TAFA4: variants seen among roughly 807,000 people sequenced by gnomAD.
TAFA4 encodes the protein chemokine-like protein TAFA-4.
Under a neutral mutation model 21.1 loss-of-function variants are expected in TAFA4, and 20 were observed. The observed-to-expected ratio is 0.95, with a 90% CI of 0.67 to 1.38. TAFA4 has a LOEUF of 1.38. Among genes scored for constraint, TAFA4 ranks in the 40% most tolerant of loss-of-function variants. The probability of loss-of-function intolerance (pLI) is 0.00; values close to 1 mark genes in which losing one functional copy is unlikely to be tolerated. For synonymous variants in TAFA4, 71 were observed against 67.4 expected (o/e 1.05, Z -0.26); for missense variants, 211 against 180.9 (o/e 1.17, Z -0.95).
intron 1 of TAFA4, among the ~76,000 whole-genome samples, chr3:68,894,581 G>A (rs975420835): frequency 1.3e-5 from 2 of 152,172 alleles, no homozygotes; most frequent in Non-Finnish European, 2.9e-5. Context: ...GACATGCTGG[G>A]GGAAATTAAC....
At chr3:68,923,199 C>T (rs2090076608) in intron 1 of TAFA4, among the ~76,000 whole-genome samples, 1 of 152,158 alleles carries the variant, frequency 6.6e-6, no homozygotes, top group Non-Finnish European at 1.5e-5. Context: ...TCACATCTTG[C>T]TATTGCTCAT....
chr3:68,743,288 AT>A (rs1702391781), intron 4 of TAFA4, among the ~76,000 whole-genome samples: 2 of 152,244 alleles, frequency 1.3e-5, no homozygotes, highest in African/African-American at 4.8e-5. Flanking sequence ...ATAAAGTTAT[AT>A]TCTTGGCCAG....
intron 1 of TAFA4, among the ~76,000 whole-genome samples, chr3:68,927,874 G>T (rs1478275805): frequency 1.3e-5 from 2 of 150,942 alleles, no homozygotes; most frequent in Admixed American, 6.6e-5. Flanking sequence ...CTCCAGCCTG[G>T]GTAACAGAGA....
chr3:68,905,804 A>G (rs2089894686), intron 1 of TAFA4, among the ~76,000 whole-genome samples: 1 of 152,216 alleles, frequency 6.6e-6, no homozygotes, highest in Non-Finnish European at 1.5e-5. Context: ...TAAACGTACC[A>G]TGGAAATTTA....
At chr3:68,876,627 A>G (rs17048091) in intron 3 of TAFA4, among the ~76,000 whole-genome samples, 4,045 of 152,306 alleles carry the variant, frequency 0.027, 125 homozygotes, top group East Asian at 0.12. Context: ...ACATGGGATC[A>G]AACTTGGATG....
At chr3:68,812,773 G>A (rs1044894315) in intron 3 of TAFA4, among the ~76,000 whole-genome samples, 4 of 152,066 alleles carry the variant, frequency 2.6e-5, no homozygotes, top group Admixed American at 1.3e-4. Context: ...CAACAAGACC[G>A]AAAGTTAAGA....
chr3:68,902,787 T>C (rs577708975), intron 1 of TAFA4, among the ~76,000 whole-genome samples: 1 of 152,130 alleles, frequency 6.6e-6, no homozygotes, highest in Non-Finnish European at 1.5e-5. Context: ...ACCAGAACCT[T>C]ATCAGACATG....
rs927195084 is a variant in TAFA4, at chr3:68,839,040, A to G, written c.130+41690T>C. On this transcript the variant is annotated intron_variant, in intron 3 of 5. Coordinates refer to ENST00000295569, the MANE Select transcript of TAFA4 (RefSeq NM_182522.5). ...TTGAGCCTAGGAGGTGGAGGCTTCA[A>G]TGAGCCATGATTATGCCACTGCACT... Among the ~76,000 whole-genome samples the G allele has an allele frequency of 2.1e-4, 32 of 152,156 alleles. 1 individual carries two copies. Among genetic ancestry groups the G allele is most frequent in the African/African-American group, 2.2e-4 (9 of 41,442 alleles).
intron 3 of TAFA4, among the ~76,000 whole-genome samples, chr3:68,773,577 C>T (rs1702997201): frequency 6.6e-6 from 1 of 152,190 alleles, no homozygotes; most frequent in South Asian, 2.1e-4. Context: ...CTTGGTCTTT[C>T]TGATGACCTG....
chr3:68,857,010 G>A (rs567156421), intron 3 of TAFA4, among the ~76,000 whole-genome samples: 66 of 152,220 alleles, frequency 4.3e-4, no homozygotes, highest in African/African-American at 1.5e-3. Context: ...ACAACACGCA[G>A]GGTAGAGGAT....
At chr3:68,904,077 A>C (rs1422243656) in intron 1 of TAFA4, among the ~76,000 whole-genome samples, 2 of 152,168 alleles carry the variant, frequency 1.3e-5, no homozygotes, top group Admixed American at 6.5e-5. Flanking sequence ...AAAAAAAAAA[A>C]AAAACAATTT....
chr3:68,826,084 A>G (rs1267983415), intron 3 of TAFA4, among the ~76,000 whole-genome samples: 2 of 152,222 alleles, frequency 1.3e-5, no homozygotes, highest in Non-Finnish European at 2.9e-5. Flanking sequence ...TTAAATAAAA[A>G]TTAAAAAGCA....
chr3:68,885,438 A>G, intron 1 of TAFA4, 128 bp from the exon 2 acceptor site: 1 of 513,830 alleles, frequency 1.9e-6, no homozygotes, highest in South Asian at 2.6e-5. Flanking sequence ...AGTGGCAGAC[A>G]GCCAAACATA....
At chr3:68,782,579 C>T (rs1156656063) in intron 3 of TAFA4, among the ~76,000 whole-genome samples, 1 of 152,152 alleles carries the variant, frequency 6.6e-6, no homozygotes, top group East Asian at 1.9e-4. Context: ...AGTACTGATA[C>T]ATGCTACAAC....
Position 68,732,391 on chromosome 3 carries a change from T to C in TAFA4, c.*751A>G, listed in dbSNP as rs1026513730. On this transcript the variant is annotated 3_prime_UTR_variant, in exon 6 of 6. Coordinates refer to ENST00000295569, the MANE Select transcript of TAFA4 (RefSeq NM_182522.5). Reference sequence around the variant, plus strand: ...CATGACTACACAAAAGCCGTAAAAATTCCAACAAGTTTTATAAATATGTTC... The same window carrying C: ...CATGACTACACAAAAGCCGTAAAAACTCCAACAAGTTTTATAAATATGTTC... 6.6e-6 allele frequency: 1 copy of C among 152,586 alleles called. No individual in the cohort carries two copies. The highest frequency in any genetic ancestry group is 1.5e-5 in the Non-Finnish European group (1 of 68,016). The allele number at this position is 152,586 out of a possible 1,614,324, so 9.5% of individuals were successfully genotyped here.
chr3:68,883,477 T>G (rs2089639515), intron 2 of TAFA4, among the ~76,000 whole-genome samples: 1 of 152,208 alleles, frequency 6.6e-6, no homozygotes, highest in African/African-American at 2.4e-5. Flanking sequence ...GTGAAATCCC[T>G]TCATCTATGC....
At chr3:68,912,933 G>A (rs892067557) in intron 1 of TAFA4, among the ~76,000 whole-genome samples, 2 of 152,168 alleles carry the variant, frequency 1.3e-5, no homozygotes, top group Non-Finnish European at 2.9e-5. Context: ...TTCCTGAATA[G>A]AGCATGGCTG....
At chr3:68,869,636 T>C (rs1277572111) in intron 3 of TAFA4, among the ~76,000 whole-genome samples, 1 of 152,046 alleles carries the variant, frequency 6.6e-6, no homozygotes, top group African/African-American at 2.4e-5. Context: ...ACAGATGTTT[T>C]AAAAGGATTC....
At chr3:68,803,746 T>C (rs1703625043) in intron 3 of TAFA4, among the ~76,000 whole-genome samples, 1 of 150,360 alleles carries the variant, frequency 6.7e-6, no homozygotes, top group African/African-American at 2.4e-5. Flanking sequence ...CCAAATAAGA[T>C]TTCTGCCCTC....
Sources: gnomAD v4.1 joint callset for allele counts (sites outside exome capture counted in the v4.1 genomes callset) on GRCh38, gnomAD v4.1.1 for gene constraint, MANE v1.5 for transcripts, NCBI Gene and HGNC (gene_info 2026-07-23, HGNC 2026-07-21) for gene names.